Variants in PPP1R9A observed in about 807,000 individuals in gnomAD.
PPP1R9A encodes neurabin-1.
In PPP1R9A, 59 loss-of-function variants were observed where a neutral mutation model predicts 141.9. The observed-to-expected ratio is 0.42, with a 90% CI of 0.34 to 0.52. The LOEUF (loss-of-function observed/expected upper bound fraction) is 0.52, where lower values mean the gene tolerates loss of function less well. Among genes scored for constraint, PPP1R9A ranks in the 20% least tolerant of loss-of-function variants. The pLI, the probability that PPP1R9A is intolerant of heterozygous loss-of-function variation, is 0.10. For synonymous variants in PPP1R9A, 500 were observed against 569.7 expected (o/e 0.88, Z 1.74); for missense variants, 1,444 against 1,611.9 (o/e 0.90, Z 1.78).
chr7:95,235,473 C>T (rs1191466646), intron 8 of PPP1R9A, among the ~76,000 whole-genome samples: 1 of 152,098 alleles, frequency 6.6e-6, no homozygotes. Flanking sequence ...CAATGTGATA[C>T]CACCTCACTC....
intron 4 of PPP1R9A, among the ~76,000 whole-genome samples, chr7:95,130,772 T>C (rs1824452843): frequency 6.6e-6 from 1 of 152,148 alleles, no homozygotes; most frequent in African/African-American, 2.4e-5. Flanking sequence ...GGAGATCATT[T>C]TGGAACTTTA....
intron 2 of PPP1R9A, among the ~76,000 whole-genome samples, chr7:94,923,572 C>T (rs1220633915): frequency 6.6e-6 from 1 of 152,120 alleles, no homozygotes; most frequent in East Asian, 1.9e-4. Flanking sequence ...GTTTCCTGTC[C>T]TAAAACACCA....
chr7:95,109,967 A>C (rs541026329), intron 2 of PPP1R9A, among the ~76,000 whole-genome samples: 6 of 152,212 alleles, frequency 3.9e-5, no homozygotes, highest in Non-Finnish European at 8.8e-5. Context: ...ATTTTGATGC[A>C]GTAAGGTTTA....
intron 8 of PPP1R9A, among the ~76,000 whole-genome samples, chr7:95,228,613 G>T (rs913307265): frequency 6.6e-5 from 10 of 152,052 alleles, no homozygotes; most frequent in African/African-American, 2.2e-4. Flanking sequence ...GAGCTAAGTC[G>T]CATCATTCCA....
intron 2 of PPP1R9A, among the ~76,000 whole-genome samples, chr7:95,079,185 C>T (rs933979395): frequency 8.5e-5 from 13 of 152,178 alleles, no homozygotes; most frequent in Non-Finnish European, 1.6e-4. Flanking sequence ...GATCCAGTTT[C>T]AGCTTTCTAC....
In PPP1R9A at chr7:95,284,277, A is replaced by T. The variant is rs563965531; in HGVS notation, c.3556A>T (p.Ile1186Phe). The T allele has an allele frequency of 1.5e-5, 23 of 1,568,280 alleles. No homozygotes were observed. The Middle Eastern group carries it at 5.0e-4, about 34-fold the overall frequency. Residue 1186 changes from isoleucine (I) to phenylalanine (F), a missense_variant, in exon 17 of 20, where the codon ATC (isoleucine) becomes TTC (phenylalanine). Physicochemically the swap from Ile to Phe is conservative, Grantham distance 21 (BLOSUM62 0). Coordinates refer to ENST00000433360, the MANE Select transcript of PPP1R9A (RefSeq NM_001166160.2). The stretch of plus-strand genomic sequence containing the variant: ...AAACCCAAATCCCTCCTCTTCTTCA[A>T]TCTTTGGAAGGCATTCTCAACTTAT... Reference protein sequence around the residue: ...KRNPNPSSSSIFGRHSQLMSV... With the variant: ...KRNPNPSSSSFFGRHSQLMSV...
intron 2 of PPP1R9A, among the ~76,000 whole-genome samples, chr7:95,021,470 T>A (rs1329152327): frequency 1.3e-5 from 2 of 152,164 alleles, no homozygotes; most frequent in East Asian, 3.9e-4. Context: ...AAGCTCTAGT[T>A]TAATTAGATC....
At chr7:95,133,697 T>C (rs991929049) in intron 4 of PPP1R9A, among the ~76,000 whole-genome samples, 1 of 151,800 alleles carries the variant, frequency 6.6e-6, no homozygotes. Context: ...TTGATTTCAT[T>C]ATTTATTTAT....
intron 2 of PPP1R9A, among the ~76,000 whole-genome samples, chr7:95,059,732 T>A (rs1390886230): frequency 6.6e-6 from 1 of 152,212 alleles, no homozygotes; most frequent in African/African-American, 2.4e-5. Flanking sequence ...TATTAGTCCC[T>A]ATAAAGGAAC....
intron 16 of PPP1R9A, among the ~76,000 whole-genome samples, chr7:95,275,473 C>T (rs1382666065): frequency 6.6e-6 from 1 of 151,764 alleles, no homozygotes; most frequent in African/African-American, 2.4e-5. Flanking sequence ...AGAACTTTAC[C>T]TTCATAGAAT....
chr7:95,112,483 T>C (rs1820739243), intron 3 of PPP1R9A, among the ~76,000 whole-genome samples: 1 of 152,110 alleles, frequency 6.6e-6, no homozygotes, highest in South Asian at 2.1e-4. Flanking sequence ...CAGTACAATC[T>C]CTGGAAAACA....
chr7:95,290,757 C>T lies in PPP1R9A; in HGVS notation c.*454C>T, dbSNP rs186698567. On this transcript the variant is annotated 3_prime_UTR_variant, in exon 20 of 20. Transcript: ENST00000433360. ...CCTGCCATGAGATCTGAGACCAGTACTTAACTTCTAGGACTGCAACACCTA... is the reference window on the plus strand; with the variant it reads ...CCTGCCATGAGATCTGAGACCAGTATTTAACTTCTAGGACTGCAACACCTA... 91 of 175,384 alleles carry T rather than the reference C, an allele frequency of 5.2e-4. No homozygotes were observed. The highest frequency in any genetic ancestry group is 6.7e-4 in the Non-Finnish European group (54 of 81,152). The allele number at this position is 175,384 out of a possible 1,614,324, so 10.9% of individuals were successfully genotyped here.
intron 2 of PPP1R9A, among the ~76,000 whole-genome samples, chr7:95,033,617 T>C (rs1808018836): frequency 6.6e-6 from 1 of 152,198 alleles, no homozygotes; most frequent in African/African-American, 2.4e-5. Context: ...ATTTTTCTCC[T>C]GTATCCTAAA....
chr7:95,110,681 G>T (rs954727623), intron 2 of PPP1R9A, among the ~76,000 whole-genome samples: 1 of 152,084 alleles, frequency 6.6e-6, no homozygotes, highest in Non-Finnish European at 1.5e-5. Flanking sequence ...GCCCTTTAGC[G>T]ATATTTTCAT....
At chr7:95,108,346 C>G (rs1819937060) in intron 2 of PPP1R9A, among the ~76,000 whole-genome samples, 1 of 111,708 alleles carries the variant, frequency 9.0e-6, no homozygotes, top group African/African-American at 3.6e-5. Flanking sequence ...GACAGTCTCG[C>G]TCTGTCACCC....
chr7:94,956,795 G>A (rs1797120899), intron 2 of PPP1R9A, among the ~76,000 whole-genome samples: 1 of 152,100 alleles, frequency 6.6e-6, no homozygotes, highest in Admixed American at 6.6e-5. Flanking sequence ...TACTGGCTCA[G>A]TGCCTACCCA....
At chr7:95,118,807 C>CAA (rs201426523) in intron 3 of PPP1R9A, among the ~76,000 whole-genome samples, 57 of 48,602 alleles carry the variant, frequency 1.2e-3, no homozygotes, top group African/African-American at 1.9e-3. Context: ...CCTGTCTGTA[C>CAA]AAAAAAAAAA....
chr7:95,103,306 A>G (rs1819035186), intron 2 of PPP1R9A, among the ~76,000 whole-genome samples: 3 of 150,530 alleles, frequency 2.0e-5, no homozygotes, highest in Admixed American at 2.0e-4. Context: ...TTGCCGTTTG[A>G]ACTAGCATGC....
chr7:95,041,145 G>A (rs1028074458), intron 2 of PPP1R9A, among the ~76,000 whole-genome samples: 8 of 152,156 alleles, frequency 5.3e-5, no homozygotes, highest in African/African-American at 1.9e-4. Flanking sequence ...GAACAGGAGG[G>A]AAATGCATGA....
Sources: allele counts gnomAD v4.1 joint callset (sites outside exome capture counted in the v4.1 genomes callset), GRCh38; gene constraint gnomAD v4.1.1; transcripts MANE v1.5; gene names NCBI Gene and HGNC (gene_info 2026-07-23, HGNC 2026-07-21).